Variants in PRDM16 observed in about 807,000 individuals in gnomAD.
The protein encoded by PRDM16 is histone-lysine N-methyltransferase PRDM16.
PRDM16 carries 23 observed loss-of-function variants against 110.6 expected under a neutral mutation model. The ratio of observed to expected loss-of-function variants is 0.21; its 90% CI spans 0.15 to 0.29. PRDM16 has a LOEUF of 0.29. Among genes scored for constraint, PRDM16 ranks in the 10% least tolerant of loss-of-function variants. PRDM16 has a pLI of 1.00. For missense variants in PRDM16, 1,615 were observed against 1,794.3 expected, an observed-to-expected ratio of 0.90 and a Z score of 1.81; for synonymous variants, 799 against 781.8, an observed-to-expected ratio of 1.02 and a Z score of -0.37.
At chr1:3,100,373 C>T (rs1307211383) in intron 1 of PRDM16, among the ~76,000 whole-genome samples, 1 of 152,202 alleles carries the variant, frequency 6.6e-6, no homozygotes, top group Non-Finnish European at 1.5e-5. Context: ...TCCTCTCTTC[C>T]AGTGGGTGGC....
chr1:3,345,037 T>TC (rs1642335478), intron 3 of PRDM16, among the ~76,000 whole-genome samples: 1 of 152,222 alleles, frequency 6.6e-6, no homozygotes. Context: ...CCATGGTTTC[T>TC]CCCCTCAACT....
At position 3,127,722 on chromosome 1, in the gene PRDM16, G is replaced by A. The variant is rs367702086; in HGVS notation, c.38-58403G>A. Reference sequence around the variant, plus strand: ...TGTCCCCCTTGCGGTGCAGAGGCCCGGCCTGAATCTCTGAGCGAGAGGCCG... The same window carrying A: ...TGTCCCCCTTGCGGTGCAGAGGCCCAGCCTGAATCTCTGAGCGAGAGGCCG... On this transcript the variant is annotated intron_variant, in intron 1 of 16. Coordinates refer to ENST00000270722, the MANE Select transcript of PRDM16 (RefSeq NM_022114.4). 2.6e-4 allele frequency among the ~76,000 whole-genome samples: 40 copies of A among 152,366 alleles called. No homozygotes were observed. The East Asian group carries it at 2.7e-3, about 10-fold the overall frequency.
intron 16 of PRDM16, among the ~76,000 whole-genome samples, chr1:3,432,477 A>G (rs1371457204): frequency 6.6e-6 from 1 of 152,092 alleles, no homozygotes; most frequent in South Asian, 2.1e-4. Flanking sequence ...TCCCTCTCTG[A>G]TCTGGGCCCC....
intron 3 of PRDM16, among the ~76,000 whole-genome samples, chr1:3,326,885 G>A (rs1438364634): frequency 6.6e-6 from 1 of 152,232 alleles, no homozygotes; most frequent in East Asian, 1.9e-4. Context: ...AGCCTCACTA[G>A]GCACAATGTC....
At chr1:3,074,655 C>T (rs777607892) in intron 1 of PRDM16, among the ~76,000 whole-genome samples, 1 of 152,198 alleles carries the variant, frequency 6.6e-6, no homozygotes, top group African/African-American at 2.4e-5. Context: ...AAACCTTGGT[C>T]GGGTGGCCTG....
At chr1:3,410,995 C>T (rs956182198) in intron 8 of PRDM16, among the ~76,000 whole-genome samples, 1 of 152,198 alleles carries the variant, frequency 6.6e-6, no homozygotes, top group African/African-American at 2.4e-5. Context: ...ACTGTACCAA[C>T]CGGCCCCCCG....
chr1:3,261,167 T>C lies in PRDM16; in HGVS notation c.438+17030T>C, dbSNP rs981881146. Among the ~76,000 whole-genome samples, 4 of 150,086 alleles carry C rather than the reference T, an allele frequency of 2.7e-5. No homozygotes were observed. In the South Asian group the frequency reaches 8.4e-4, roughly 32 times the overall value. On this transcript the variant is annotated intron_variant, in intron 3 of 16. Coordinates refer to ENST00000270722, the MANE Select transcript of PRDM16 (RefSeq NM_022114.4). ...ACAGGAAGAGGCAGAAAGAAAACTCTTGAATGTCCCTCACGCCCTGGTCCT... is the reference window on the plus strand; with the variant it reads ...ACAGGAAGAGGCAGAAAGAAAACTCCTGAATGTCCCTCACGCCCTGGTCCT...
intron 3 of PRDM16, among the ~76,000 whole-genome samples, chr1:3,320,665 C>T (rs1216436365): frequency 6.6e-6 from 1 of 152,236 alleles, no homozygotes; most frequent in Non-Finnish European, 1.5e-5. Flanking sequence ...AGCCCAGTGC[C>T]TTCCTGCTGA....
intron 3 of PRDM16, among the ~76,000 whole-genome samples, chr1:3,277,747 GCA>G (rs1421231237): frequency 6.3e-5 from 8 of 126,488 alleles, no homozygotes; most frequent in African/African-American, 2.1e-4. Flanking sequence ...ACACGCACAC[GCA>G]CACACATGCA....
rs904559220 is a variant in PRDM16, at chr1:3,243,523, C to T, written c.388-564C>T. The stretch of plus-strand genomic sequence containing the variant: ...GTCTCCTGGGACCGCTGGGCAGAGT[C>T]CAGCTCCCCCCGACCTCTGCCTCCT... On this transcript the variant is annotated intron_variant, in intron 2 of 16. Transcript: ENST00000270722. This position sits in a 1 kb window ranked among gnomAD's most constrained non-coding sequence, Gnocchi z 5.5. Among the ~76,000 whole-genome samples, 1 of 152,198 alleles carries T rather than the reference C, an allele frequency of 6.6e-6. No individual in the cohort carries two copies. Among genetic ancestry groups the T allele is most frequent in the Non-Finnish European group, 1.5e-5 (1 of 68,034 alleles).
Position 3,414,551 on chromosome 1 carries a change from G to A in PRDM16, c.2604-9G>A. On this transcript the variant is annotated splice_polypyrimidine_tract_variant and intron_variant, in intron 9 of 16. Coordinates refer to ENST00000270722, the MANE Select transcript of PRDM16 (RefSeq NM_022114.4). ...GGTGGGGTACGTAACCCTCTGTGCT[G>A]TTGTCCAGCAGGGTAGAAAAGCGGA... 1 of 1,610,894 alleles carries A rather than the reference G, an allele frequency of 6.2e-7. No homozygotes were observed. Among genetic ancestry groups the A allele is most frequent in the Non-Finnish European group, 8.5e-7 (1 of 1,177,850 alleles).
rs1403177340 is a variant in PRDM16, at chr1:3,209,469, C to G, written c.387+22995C>G. On this transcript the variant is annotated intron_variant, in intron 2 of 16. Transcript: ENST00000270722. The surrounding 1 kb of genome is among the most constrained non-coding windows in gnomAD (Gnocchi z 4.6). ...AGGTCGCGTGAATGCCTGTGTCCCC[C>G]GGGACAGCCAGGGAGGCAGGAGGCC... 2.0e-5 allele frequency among the ~76,000 whole-genome samples: 3 copies of G among 152,158 alleles called. No homozygotes were observed. Among genetic ancestry groups the G allele is most frequent in the Non-Finnish European group, 4.4e-5 (3 of 68,028 alleles).
intron 1 of PRDM16, among the ~76,000 whole-genome samples, chr1:3,145,621 C>T (rs1643633299): frequency 6.6e-6 from 1 of 152,166 alleles, no homozygotes; most frequent in Non-Finnish European, 1.5e-5. Flanking sequence ...AGCCATGAGC[C>T]TCCTGCAGAG....
intron 10 of PRDM16, among the ~76,000 whole-genome samples, chr1:3,415,904 C>A (rs971022870): frequency 1.3e-5 from 2 of 152,252 alleles, no homozygotes; most frequent in Non-Finnish European, 2.9e-5. Flanking sequence ...AGAGGCCATG[C>A]CTGTGGAAAG....
chr1:3,214,169 GT>G (rs1638966881), intron 2 of PRDM16, among the ~76,000 whole-genome samples: 1 of 152,262 alleles, frequency 6.6e-6, no homozygotes, highest in East Asian at 1.9e-4. Flanking sequence ...GGAGAAAATG[GT>G]TTTCCTTTTC....
intron 3 of PRDM16, among the ~76,000 whole-genome samples, chr1:3,374,559 C>T (rs1467121897): frequency 5.9e-5 from 9 of 152,178 alleles, no homozygotes; most frequent in Non-Finnish European, 1.3e-4. Flanking sequence ...GTGAGGAGGG[C>T]CCCTGATGCT....
rs368650130 is a variant in PRDM16 at position 3,390,647 on chromosome 1, G to C, written c.573+5361G>C. 6.6e-6 allele frequency among the ~76,000 whole-genome samples: 1 copy of C among 152,154 alleles called. No homozygotes were observed. The highest frequency in any genetic ancestry group is 1.9e-4 in the East Asian group (1 of 5,170). On this transcript the variant is annotated intron_variant, in intron 4 of 16. Coordinates refer to ENST00000270722, the MANE Select transcript of PRDM16 (RefSeq NM_022114.4). The surrounding 1 kb of genome is among the most constrained non-coding windows in gnomAD (Gnocchi z 5.0). ...TGTTCATGAGAACCAGGTGTCTCTCGGGTCGGCGGAGGGCATTTCTCTTTT... is the reference window on the plus strand; with the variant it reads ...TGTTCATGAGAACCAGGTGTCTCTCCGGTCGGCGGAGGGCATTTCTCTTTT...
chr1:3,233,474 G>A (rs1055735303), intron 2 of PRDM16, among the ~76,000 whole-genome samples: 8 of 152,192 alleles, frequency 5.3e-5, no homozygotes, highest in African/African-American at 1.9e-4. Flanking sequence ...ATCTGTCCTG[G>A]GGCGCAAAGG....
intron 1 of PRDM16, among the ~76,000 whole-genome samples, chr1:3,147,496 G>A (rs983546014): frequency 3.3e-5 from 5 of 152,072 alleles, no homozygotes; most frequent in Admixed American, 1.3e-4. Flanking sequence ...GGACTCCGTC[G>A]CCCTGAGGCT....
Sources: gnomAD v4.1 joint callset for allele counts (sites outside exome capture counted in the v4.1 genomes callset) on GRCh38, gnomAD v4.1.1 for gene constraint, Gnocchi (gnomAD v3.1) non-coding constraint, MANE v1.5 for transcripts, NCBI Gene and HGNC (gene_info 2026-07-23, HGNC 2026-07-21) for gene names.